SIAH3: variants seen among roughly 807,000 people sequenced by gnomAD.
SIAH3 encodes siah E3 ubiquitin protein ligase family member 3, also known as seven in absentia homolog 3.
A neutral mutation model predicts 12.6 loss-of-function variants in SIAH3; 9 were observed. The ratio of observed to expected loss-of-function variants is 0.72; its 90% CI spans 0.43 to 1.25. The LOEUF is 1.25. Ranked by LOEUF, SIAH3 falls within the 50% of genes most tolerant of loss-of-function variation. The pLI, the probability that SIAH3 is intolerant of heterozygous loss-of-function variation, is 0.00. For missense variants in SIAH3, 390 were observed against 365.4 expected, an observed-to-expected ratio of 1.07 and a Z score of -0.55; for synonymous variants, 154 against 151.1, an observed-to-expected ratio of 1.02 and a Z score of -0.14.
intron 1 of SIAH3, among the ~76,000 whole-genome samples, chr13:45,792,239 C>T (rs76418596): frequency 0.021 from 3,156 of 151,844 alleles, 92 homozygotes; most frequent in African/African-American, 0.064. Flanking sequence ...TGTGTGGGCT[C>T]GGGTGTTAGC....
intron 1 of SIAH3, among the ~76,000 whole-genome samples, chr13:45,795,453 T>C (rs1010842282): frequency 1.3e-5 from 2 of 152,156 alleles, no homozygotes; most frequent in South Asian, 4.1e-4. Context: ...CAACAGAGGT[T>C]GAGATAACAA....
chr13:45,794,593 A>T (rs9652192), intron 1 of SIAH3, among the ~76,000 whole-genome samples: 1 of 151,884 alleles, frequency 6.6e-6, no homozygotes, highest in East Asian at 1.9e-4. Flanking sequence ...ATAGCGAATA[A>T]GTCTTATGAG....
chr13:45,787,139 C>T (rs1950530755), intron 1 of SIAH3, among the ~76,000 whole-genome samples: 1 of 151,938 alleles, frequency 6.6e-6, no homozygotes, highest in African/African-American at 2.4e-5. Flanking sequence ...AAGATGGCTC[C>T]CTTTGAAAGT....
rs1950511055 is a variant in SIAH3, at chr13:45,783,050, T to TA, written c.*332_*333insT. ...CCCAACAGTCTGCTTGATGGTGTTT[T>TA]GATCCTTTCAAAACTAGCGGAGAAA... On this transcript the variant is annotated 3_prime_UTR_variant, in exon 2 of 2. Coordinates refer to ENST00000400405, the MANE Select transcript of SIAH3 (RefSeq NM_198849.3). 6.1e-6 allele frequency: 1 copy of TA among 163,746 alleles called. No individual in the cohort carries two copies. Among genetic ancestry groups the TA allele is most frequent in the Non-Finnish European group, 1.3e-5 (1 of 75,984 alleles). The allele number at this position is 163,746 out of a possible 1,614,324, so 10.1% of individuals were successfully genotyped here. A position where few individuals can be genotyped will look rare whatever the true frequency, so the allele number is the denominator to read the frequency against.
rs112801594 is a variant in SIAH3, at chr13:45,780,204, C to A, written c.*3179G>T. Reference sequence around the variant, plus strand: ...GCAAAGGGATTCAGAAAGGGCCTGGCGCACTGAAGCCTCCATCTGCAGCCC... The same window carrying A: ...GCAAAGGGATTCAGAAAGGGCCTGGAGCACTGAAGCCTCCATCTGCAGCCC... On this transcript the variant is annotated 3_prime_UTR_variant, in exon 2 of 2. Transcript: ENST00000400405. The A allele has an allele frequency of 6.6e-6, 1 of 151,958 alleles. No individual in the cohort carries two copies. Among genetic ancestry groups the A allele is most frequent in the South Asian group, 2.1e-4 (1 of 4,804 alleles). 9.4% of individuals were successfully genotyped at this position (151,958 alleles called of 1,614,324 possible). A position where few individuals can be genotyped will look rare whatever the true frequency, so the allele number is the denominator to read the frequency against.
At chr13:45,784,485 T>C (rs530489748) in intron 1 of SIAH3, among the ~76,000 whole-genome samples, 1 of 151,842 alleles carries the variant, frequency 6.6e-6, no homozygotes, top group South Asian at 2.1e-4. Context: ...TTTTTTTCTA[T>C]TTTGTCATAG....
chr13:45,802,688 A>G (rs1213238432), intron 1 of SIAH3, among the ~76,000 whole-genome samples: 1 of 152,136 alleles, frequency 6.6e-6, no homozygotes, highest in Admixed American at 6.5e-5. Flanking sequence ...TGAAGCCCCC[A>G]GCTAGCTCCA....
chr13:45,786,973 G>A (rs1263668935), intron 1 of SIAH3, among the ~76,000 whole-genome samples: 2 of 152,078 alleles, frequency 1.3e-5, no homozygotes, highest in Non-Finnish European at 2.9e-5. Flanking sequence ...GTCCTGACCT[G>A]TACAGCTAAT....
rs796481841 is a variant in SIAH3 at position 45,843,018 on chromosome 13, T to TTCTC, written c.135+8473_135+8476dup. ...GGGAGCATCTCAGAATTGCCATTAT[T>TTCTC]TCTCTCTCTCTCTCTCTGTGTGTGT... is the stretch of plus-strand genomic sequence containing the variant. On this transcript the variant is annotated intron_variant, in intron 1 of 1. Transcript: ENST00000400405. Among the ~76,000 whole-genome samples, 18 of 143,262 alleles carry TTCTC rather than the reference T, an allele frequency of 1.3e-4. No individual in the cohort carries two copies. The East Asian group carries it at 1.9e-3, about 15-fold the overall frequency. 94.0% of individuals were successfully genotyped at this position (143,262 alleles called of 152,430 possible).
chr13:45,846,106 T>TTTTTTTTG (rs1950759221), intron 1 of SIAH3, among the ~76,000 whole-genome samples: 1 of 147,996 alleles, frequency 6.8e-6, no homozygotes, highest in Admixed American at 6.8e-5. Context: ...TTTTTTTTTT[T>TTTTTTTTG]GAGACGGAGT....
chr13:45,851,220 A>C (rs1950780352), intron 1 of SIAH3, among the ~76,000 whole-genome samples: 1 of 151,596 alleles, frequency 6.6e-6, no homozygotes, highest in South Asian at 2.1e-4. Context: ...TCTGCCCCCC[A>C]CGCCACTCTC....
chr13:45,797,161 T>A (rs1950565806), intron 1 of SIAH3, among the ~76,000 whole-genome samples: 1 of 139,902 alleles, frequency 7.1e-6, no homozygotes, highest in Non-Finnish European at 1.6e-5. Flanking sequence ...TTTTTTTTTT[T>A]AACACAATTC....
chr13:45,831,775 A>T (rs1950700200), intron 1 of SIAH3, among the ~76,000 whole-genome samples: 1 of 152,238 alleles, frequency 6.6e-6, no homozygotes, highest in African/African-American at 2.4e-5. Flanking sequence ...ACATGTTTGT[A>T]TTTATTGAGG....
At chr13:45,839,128 G>A (rs1032665172) in intron 1 of SIAH3, among the ~76,000 whole-genome samples, 2 of 152,100 alleles carry the variant, frequency 1.3e-5, no homozygotes, top group African/African-American at 2.4e-5. Flanking sequence ...AATTTCAAAG[G>A]CCTGTGGATC....
At chr13:45,840,829 G>A (rs76335229) in intron 1 of SIAH3, among the ~76,000 whole-genome samples, 8,296 of 152,196 alleles carry the variant, frequency 0.055, 609 homozygotes, top group African/African-American at 0.15. Context: ...ATATCAAGAC[G>A]CGCTTTAAAG....
At chr13:45,810,960 T>G (rs1226055577) in intron 1 of SIAH3, among the ~76,000 whole-genome samples, 1 of 152,160 alleles carries the variant, frequency 6.6e-6, no homozygotes, top group Non-Finnish European at 1.5e-5. Context: ...TCCATGGACA[T>G]GTGGTTGAAG....
At position 45,782,697 on chromosome 13, in the gene SIAH3, T is replaced by C. The variant is rs1950509239; in HGVS notation, c.*686A>G. ...AAGACGGCACAGCCTGGGAACAAGG[T>C]GACAAGAGCCCGTCACAGGAAGGTG... On this transcript the variant is annotated 3_prime_UTR_variant, in exon 2 of 2. Transcript: ENST00000400405. 1 of 152,070 alleles carries C rather than the reference T, an allele frequency of 6.6e-6. No homozygotes were observed. The highest frequency in any genetic ancestry group is 1.5e-5 in the Non-Finnish European group (1 of 68,038). The allele number at this position is 152,070 out of a possible 1,614,324, so 9.4% of individuals were successfully genotyped here.
At chr13:45,786,533 C>T (rs1250235444) in intron 1 of SIAH3, among the ~76,000 whole-genome samples, 1 of 152,186 alleles carries the variant, frequency 6.6e-6, no homozygotes, top group Non-Finnish European at 1.5e-5. Flanking sequence ...TAATCTGTTT[C>T]ACTGTTTACG....
intron 1 of SIAH3, among the ~76,000 whole-genome samples, chr13:45,790,688 C>T (rs1242680356): frequency 2.0e-5 from 3 of 152,208 alleles, no homozygotes; most frequent in African/African-American, 4.8e-5. Flanking sequence ...GCATTAGTAA[C>T]AGCTTCCAAT....
Sources: gnomAD v4.1 joint callset for allele counts (sites outside exome capture counted in the v4.1 genomes callset) on GRCh38, gnomAD v4.1.1 for gene constraint, MANE v1.5 for transcripts, NCBI Gene and HGNC (gene_info 2026-07-23, HGNC 2026-07-21) for gene names.